The following OXR1 variants were observed in gnomAD, a reference collection of about 807,000 sequenced individuals.
OXR1 encodes oxidation resistance protein 1.
Under a neutral mutation model 104.6 loss-of-function variants are expected in OXR1, and 41 were observed. The observed-to-expected ratio is 0.39, with a 90% CI of 0.31 to 0.51. The LOEUF (loss-of-function observed/expected upper bound fraction) is 0.51, where lower values mean the gene tolerates loss of function less well. Among genes scored for constraint, OXR1 ranks in the 20% least tolerant of loss-of-function variants. OXR1 has a pLI of 0.77. For missense variants in OXR1, 955 were observed against 1,031.9 expected, an observed-to-expected ratio of 0.93 and a Z score of 1.02; for synonymous variants, 348 against 348.4, an observed-to-expected ratio of 1.00 and a Z score of 0.01.
rs1380746572 is a variant in OXR1 at position 106,469,095 on chromosome 8, T to C, written c.24-49848T>C. Reference sequence around the variant, plus strand: ...AATAATTACATATTCATTCAAATGTTAACACCTCAGAGAAGTCTTCTGTGA... The same window carrying C: ...AATAATTACATATTCATTCAAATGTCAACACCTCAGAGAAGTCTTCTGTGA... On this transcript the variant is annotated intron_variant, in intron 2 of 16. Coordinates refer to ENST00000517566, the MANE Select transcript of OXR1 (RefSeq NM_001198533.2). Among the ~76,000 whole-genome samples the C allele has an allele frequency of 2.6e-5, 4 of 151,780 alleles. No homozygotes were observed. In the East Asian group the frequency reaches 7.7e-4, roughly 29 times the overall value.
In OXR1 at chr8:106,291,203, C is replaced by T. The variant is rs549668370; in HGVS notation, c.-139+20836C>T. On this transcript the variant is annotated intron_variant, in intron 1 of 16. Coordinates refer to ENST00000517566, the MANE Select transcript of OXR1 (RefSeq NM_001198533.2). ...AATGAATGTAGAAGACCAAATACTG[C>T]ATGTTTTCACTTATAAATTGGAGCT... 4.5e-4 allele frequency among the ~76,000 whole-genome samples: 69 copies of T among 152,280 alleles called. 1 individual carries two copies. Among genetic ancestry groups the T allele is most frequent in the African/African-American group, 1.5e-3 (64 of 41,568 alleles).
chr8:106,737,559 C>G lies in OXR1; in HGVS notation c.1996C>G (p.Leu666Val). 3 of 1,409,760 alleles carry G rather than the reference C, an allele frequency of 2.1e-6. No individual in the cohort carries two copies. The highest frequency in any genetic ancestry group is 2.8e-6 in the Non-Finnish European group (3 of 1,072,900). 87.3% of individuals were successfully genotyped at this position (1,409,760 alleles called of 1,614,324 possible). Residue 666 changes from leucine (L) to valine (V), a missense_variant, in exon 12 of 17, where the codon CTA becomes GTA. Leu to Val is a conservative substitution (Grantham distance 32, BLOSUM62 1). Coordinates refer to ENST00000517566, the MANE Select transcript of OXR1 (RefSeq NM_001198533.2). Reference sequence around the variant, plus strand: ...TGAGTATCACCGCAGGATCGATGCTCTAAATACTGAAGAACTGCGCACACT... The same window carrying G: ...TGAGTATCACCGCAGGATCGATGCTGTAAATACTGAAGAACTGCGCACACT... ...VAEYHRRIDA[L>V]NTEELRTLCR...
chr8:106,427,769 G>A (rs996167485), intron 2 of OXR1, among the ~76,000 whole-genome samples: 1 of 152,184 alleles, frequency 6.6e-6, no homozygotes, highest in Non-Finnish European at 1.5e-5. Flanking sequence ...AAAGGCTAGT[G>A]ATAAATCAAT....
intron 3 of OXR1, among the ~76,000 whole-genome samples, chr8:106,609,743 T>C (rs1334303111): frequency 6.6e-6 from 1 of 152,154 alleles, no homozygotes; most frequent in African/African-American, 2.4e-5. Context: ...CCCATATTTA[T>C]AGGAAATATA....
At chr8:106,624,687 G>A (rs976291282) in intron 3 of OXR1, among the ~76,000 whole-genome samples, 1 of 152,174 alleles carries the variant, frequency 6.6e-6, no homozygotes, top group African/African-American at 2.4e-5. Flanking sequence ...ATTTATTGTA[G>A]AAAATAACTT....
intron 2 of OXR1, among the ~76,000 whole-genome samples, chr8:106,453,962 T>C (rs548444231): frequency 2.2e-4 from 34 of 152,354 alleles, no homozygotes; most frequent in Non-Finnish European, 4.9e-4. Flanking sequence ...ATTCTTATTC[T>C]TTGAATTTTT....
At chr8:106,572,811 C>T (rs1169574315) in intron 3 of OXR1, among the ~76,000 whole-genome samples, 1 of 152,180 alleles carries the variant, frequency 6.6e-6, no homozygotes, top group African/African-American at 2.4e-5. Flanking sequence ...TCCAAAACCA[C>T]TTCCACGTGT....
At chr8:106,379,640 C>T (rs1199286867) in intron 2 of OXR1, among the ~76,000 whole-genome samples, 1 of 146,886 alleles carries the variant, frequency 6.8e-6, no homozygotes, top group African/African-American at 2.6e-5. Context: ...CAGGTTCAAG[C>T]GATTCTCGTG....
intron 1 of OXR1, among the ~76,000 whole-genome samples, chr8:106,331,018 A>G (rs1814692485): frequency 1.3e-5 from 2 of 152,220 alleles, no homozygotes; most frequent in Admixed American, 1.3e-4. Flanking sequence ...TATTATAAAT[A>G]TCTTTCATAT....
chr8:106,391,789 T>C (rs1817595847), intron 2 of OXR1, among the ~76,000 whole-genome samples: 1 of 152,172 alleles, frequency 6.6e-6, no homozygotes, highest in Non-Finnish European at 1.5e-5. Context: ...GCTAAAGCCA[T>C]TCTTTACATA....
At chr8:106,463,117 C>T (rs1466585758) in intron 2 of OXR1, among the ~76,000 whole-genome samples, 1 of 152,022 alleles carries the variant, frequency 6.6e-6, no homozygotes, top group Admixed American at 6.6e-5. Flanking sequence ...ATATTTTATA[C>T]ACTTTGGAGA....
At chr8:106,415,030 T>C (rs1818612743) in intron 2 of OXR1, among the ~76,000 whole-genome samples, 1 of 152,120 alleles carries the variant, frequency 6.6e-6, no homozygotes, top group Non-Finnish European at 1.5e-5. Context: ...GGCCTGAATT[T>C]AATCTGAGTC....
chr8:106,293,058 A>G (rs984432675), intron 1 of OXR1, among the ~76,000 whole-genome samples: 2 of 152,170 alleles, frequency 1.3e-5, no homozygotes, highest in Non-Finnish European at 2.9e-5. Flanking sequence ...TCTGGGATAT[A>G]TTTCAAAGGT....
At chr8:106,368,422 T>C (rs924517904) in intron 2 of OXR1, among the ~76,000 whole-genome samples, 1 of 152,120 alleles carries the variant, frequency 6.6e-6, no homozygotes, top group Non-Finnish European at 1.5e-5. Context: ...TTATTTTTTA[T>C]TTTTATTTTT....
At chr8:106,462,010 T>C (rs747547312) in intron 2 of OXR1, among the ~76,000 whole-genome samples, 3 of 152,210 alleles carry the variant, frequency 2.0e-5, no homozygotes, top group Non-Finnish European at 2.9e-5. Flanking sequence ...CCATTTTGTG[T>C]TTAATTTTAG....
chr8:106,333,086 A>G (rs555521211), intron 1 of OXR1, among the ~76,000 whole-genome samples: 48 of 152,268 alleles, frequency 3.2e-4, no homozygotes, highest in Non-Finnish European at 2.6e-4. Context: ...GCTATTGCGA[A>G]TAACACTTCT....
intron 1 of OXR1, among the ~76,000 whole-genome samples, chr8:106,338,781 G>A (rs1487913700): frequency 6.6e-6 from 1 of 151,932 alleles, no homozygotes; most frequent in East Asian, 1.9e-4. Context: ...AGCCATCCAT[G>A]CTTTATAACT....
At chr8:106,544,866 G>A (rs1166795450) in intron 3 of OXR1, among the ~76,000 whole-genome samples, 2 of 152,120 alleles carry the variant, frequency 1.3e-5, no homozygotes, top group Non-Finnish European at 2.9e-5. Context: ...CTGGAATTTC[G>A]CCATCCGGAT....
At chr8:106,469,367 A>T (rs1185424691) in intron 2 of OXR1, among the ~76,000 whole-genome samples, 1 of 151,742 alleles carries the variant, frequency 6.6e-6, no homozygotes, top group Non-Finnish European at 1.5e-5. Context: ...TCTTCACTTG[A>T]TTTGCCCTGG....
Sources: allele counts gnomAD v4.1 joint callset (sites outside exome capture counted in the v4.1 genomes callset), GRCh38; gene constraint gnomAD v4.1.1; transcripts MANE v1.5; gene names NCBI Gene and HGNC (gene_info 2026-07-23, HGNC 2026-07-21).